The following KSR2 variants were observed in gnomAD, a reference collection of about 807,000 sequenced individuals.
The protein encoded by KSR2 is kinase suppressor of ras 2.
A neutral mutation model predicts 107.8 loss-of-function variants in KSR2; 25 were observed. The ratio of observed to expected loss-of-function variants is 0.23; its 90% CI spans 0.17 to 0.32. The LOEUF is 0.32. KSR2 is among the 10% of genes least tolerant of loss of function. KSR2 has a pLI of 1.00. For synonymous variants in KSR2, 480 were observed against 507.0 expected (o/e 0.95, Z 0.71); for missense variants, 887 against 1,268.9 (o/e 0.70, Z 4.57).
At chr12:117,735,266 C>T (rs1299718698) in intron 4 of KSR2, among the ~76,000 whole-genome samples, 1 of 152,202 alleles carries the variant, frequency 6.6e-6, no homozygotes, top group East Asian at 1.9e-4. Context: ...GCAGAGCCTT[C>T]TCTTTCTGTT....
intron 3 of KSR2, among the ~76,000 whole-genome samples, chr12:117,815,432 G>A (rs1291606776): frequency 6.6e-6 from 1 of 152,084 alleles, no homozygotes; most frequent in Non-Finnish European, 1.5e-5. Flanking sequence ...AGTGTGTATA[G>A]CACTCTACCG....
chr12:117,581,133 C>T (rs939091527), intron 6 of KSR2, among the ~76,000 whole-genome samples: 12 of 152,228 alleles, frequency 7.9e-5, no homozygotes, highest in Non-Finnish European at 1.5e-4. Flanking sequence ...GTCTTAACAA[C>T]TATCCTGTCA....
At chr12:117,681,901 A>T (rs189941645) in intron 4 of KSR2, among the ~76,000 whole-genome samples, 1 of 152,216 alleles carries the variant, frequency 6.6e-6, no homozygotes, top group African/African-American at 2.4e-5. Context: ...CATTTGAACT[A>T]GCAATCTCAT....
chr12:117,685,527 T>A (rs950514716), intron 4 of KSR2, among the ~76,000 whole-genome samples: 1 of 152,226 alleles, frequency 6.6e-6, no homozygotes, highest in African/African-American at 2.4e-5. Flanking sequence ...CAGGCTTCCA[T>A]CAGCCCAGTA....
At chr12:117,471,435 A>G in intron 17 of KSR2, 115 bp from the exon 18 acceptor site, 1 of 1,136,398 alleles carries the variant, frequency 8.8e-7, no homozygotes. Flanking sequence ...TCTTCTCCCC[A>G]CTTTCTTCCT....
intron 1 of KSR2, among the ~76,000 whole-genome samples, chr12:117,904,994 C>T (rs1894795050): frequency 6.6e-6 from 1 of 152,076 alleles, no homozygotes; most frequent in Non-Finnish European, 1.5e-5. Context: ...CCAGCTTGGC[C>T]AACATGATGA....
At chr12:117,637,610 G>A (rs759116353) in intron 5 of KSR2, among the ~76,000 whole-genome samples, 1 of 149,602 alleles carries the variant, frequency 6.7e-6, no homozygotes, top group African/African-American at 2.5e-5. Context: ...ATGACTAAAT[G>A]TCAGTCAGGT....
At chr12:117,468,985 T>C (rs1871287033) in intron 19 of KSR2, among the ~76,000 whole-genome samples, 1 of 152,186 alleles carries the variant, frequency 6.6e-6, no homozygotes, top group Non-Finnish European at 1.5e-5. Context: ...GGCAGAGCCA[T>C]GGGGAGCCCT....
chr12:117,558,876 G>C (rs1205076681), intron 7 of KSR2, among the ~76,000 whole-genome samples: 4 of 151,884 alleles, frequency 2.6e-5, no homozygotes, highest in Non-Finnish European at 4.4e-5. Flanking sequence ...ATGAATAGAT[G>C]GATAAATGGG....
At chr12:117,740,146 C>G (rs982247322) in intron 4 of KSR2, among the ~76,000 whole-genome samples, 2 of 150,856 alleles carry the variant, frequency 1.3e-5, no homozygotes, top group Non-Finnish European at 2.9e-5. Context: ...ATCCTCATAC[C>G]TTAGTTCCCA....
At chr12:117,920,512 A>G (rs944877385) in intron 1 of KSR2, among the ~76,000 whole-genome samples, 8 of 152,154 alleles carry the variant, frequency 5.3e-5, no homozygotes, top group African/African-American at 1.7e-4. Flanking sequence ...CAGATAAATA[A>G]TGCTAATACA....
chr12:117,859,439 T>G (rs1469989773), intron 2 of KSR2, among the ~76,000 whole-genome samples: 2 of 145,668 alleles, frequency 1.4e-5, no homozygotes, highest in East Asian at 4.1e-4. Flanking sequence ...GGCCTGTTTT[T>G]TTCGTTTTTT....
chr12:117,656,089 T>G (rs1158733224), intron 5 of KSR2, among the ~76,000 whole-genome samples: 1 of 152,224 alleles, frequency 6.6e-6, no homozygotes. Context: ...TATGACCACG[T>G]GACCAGCTGC....
At chr12:117,739,708 A>C (rs1439269849) in intron 4 of KSR2, among the ~76,000 whole-genome samples, 1 of 152,174 alleles carries the variant, frequency 6.6e-6, no homozygotes, top group Non-Finnish European at 1.5e-5. Flanking sequence ...GGTGGCAAAG[A>C]CAGTCTAGGG....
At chr12:117,958,891 ATATATAGAAAAAATAAGACCTAGTGT>A (rs113874848) in intron 1 of KSR2, among the ~76,000 whole-genome samples, 80,627 of 151,836 alleles carry the variant, frequency 0.53, 21,780 homozygotes, top group African/African-American at 0.57. Flanking sequence ...CTTTTTACAG[ATATATAGAAAAAATAAGACCTAGTGT>A]TGAACAAACC....
chr12:117,951,199 C>T (rs180827090), intron 1 of KSR2, among the ~76,000 whole-genome samples: 2 of 152,226 alleles, frequency 1.3e-5, no homozygotes, highest in Admixed American at 6.5e-5. Flanking sequence ...TGAGCCACCG[C>T]GCCCGGCGGC....
rs1241138610 is a variant in KSR2, at chr12:117,457,995, C to T, written c.*9204G>A. 2 of 152,178 alleles carry T rather than the reference C, an allele frequency of 1.3e-5. No homozygotes were observed. Among genetic ancestry groups the T allele is most frequent in the African/African-American group, 2.4e-5 (1 of 41,432 alleles). 9.4% of individuals were successfully genotyped at this position (152,178 alleles called of 1,614,324 possible). A position where few individuals can be genotyped will look rare whatever the true frequency, so the allele number is the denominator to read the frequency against. ...TCTTTCCATAGATCTACATGAGTTGCAAATTTATATATTTGTGGTTGACTT... is the reference window on the plus strand; with the variant it reads ...TCTTTCCATAGATCTACATGAGTTGTAAATTTATATATTTGTGGTTGACTT... On this transcript the variant is annotated 3_prime_UTR_variant, in exon 20 of 20. Coordinates refer to ENST00000339824, the MANE Select transcript of KSR2 (RefSeq NM_173598.6).
chr12:117,888,194 C>T (rs2137346902), intron 1 of KSR2, among the ~76,000 whole-genome samples: 1 of 152,288 alleles, frequency 6.6e-6, no homozygotes, highest in South Asian at 2.1e-4. Flanking sequence ...TTACGTAGGG[C>T]ACTTTCAACC....
chr12:117,690,853 C>T (rs1885783778), intron 4 of KSR2, among the ~76,000 whole-genome samples: 1 of 152,162 alleles, frequency 6.6e-6, no homozygotes, highest in African/African-American at 2.4e-5. Context: ...CTGAGAAAAC[C>T]TTTTGCTCTG....
Sources: gnomAD v4.1 joint callset for allele counts (sites outside exome capture counted in the v4.1 genomes callset) on GRCh38, gnomAD v4.1.1 for gene constraint, MANE v1.5 for transcripts, NCBI Gene and HGNC (gene_info 2026-07-23, HGNC 2026-07-21) for gene names.